The following CNTN5 variants were observed in gnomAD, a reference collection of about 807,000 sequenced individuals.
The protein encoded by CNTN5 is contactin-5.
Under a neutral mutation model 129.1 loss-of-function variants are expected in CNTN5, and 77 were observed. The ratio of observed to expected loss-of-function variants is 0.60; its 90% CI spans 0.50 to 0.72. CNTN5 has a LOEUF of 0.72. CNTN5 is among the 30% of genes least tolerant of loss of function. The probability of loss-of-function intolerance (pLI) is 0.00; values close to 1 mark genes in which losing one functional copy is unlikely to be tolerated. For synonymous variants in CNTN5, 509 were observed against 465.6 expected, an observed-to-expected ratio of 1.09 and a Z score of -1.20; for missense variants, 1,478 against 1,328.8, an observed-to-expected ratio of 1.11 and a Z score of -1.75.
At chr11:100,112,039 C>G (rs1171598089) in intron 13 of CNTN5, among the ~76,000 whole-genome samples, 5 of 152,134 alleles carry the variant, frequency 3.3e-5, no homozygotes, top group African/African-American at 1.2e-4. Context: ...TGACTCTATC[C>G]TTTCCAGCAC....
intron 2 of CNTN5, among the ~76,000 whole-genome samples, chr11:99,342,685 A>G (rs982822535): frequency 1.3e-5 from 2 of 149,700 alleles, no homozygotes; most frequent in Non-Finnish European, 3.0e-5. Flanking sequence ...TTGTGGTGAT[A>G]GTACCACTGC....
At chr11:99,525,286 T>C (rs1947442438) in intron 2 of CNTN5, among the ~76,000 whole-genome samples, 1 of 152,054 alleles carries the variant, frequency 6.6e-6, no homozygotes. Flanking sequence ...AACTTATAAT[T>C]TAAAAAAAAT....
At chr11:99,874,962 A>C (rs1212106483) in intron 6 of CNTN5, among the ~76,000 whole-genome samples, 1 of 152,120 alleles carries the variant, frequency 6.6e-6, no homozygotes, top group Admixed American at 6.6e-5. Context: ...CACAAAGTTA[A>C]AATTCATCAT....
At chr11:99,461,602 G>A (rs1944700676) in intron 2 of CNTN5, among the ~76,000 whole-genome samples, 1 of 152,128 alleles carries the variant, frequency 6.6e-6, no homozygotes, top group Non-Finnish European at 1.5e-5. Context: ...ATATTGCTTA[G>A]TTCCTTGGGA....
chr11:99,676,514 C>G (rs1196325939), intron 3 of CNTN5, among the ~76,000 whole-genome samples: 1 of 152,176 alleles, frequency 6.6e-6, no homozygotes, highest in Non-Finnish European at 1.5e-5. Flanking sequence ...GCATGGTGTT[C>G]TGGCACATGT....
At chr11:99,701,680 A>G (rs150408781) in intron 3 of CNTN5, among the ~76,000 whole-genome samples, 214 of 151,220 alleles carry the variant, frequency 1.4e-3, no homozygotes, top group African/African-American at 5.0e-3. Flanking sequence ...GAAAATGTTT[A>G]ATTTTCATTT....
At chr11:99,224,791 T>C (rs1860590692) in intron 1 of CNTN5, among the ~76,000 whole-genome samples, 2 of 151,506 alleles carry the variant, frequency 1.3e-5, no homozygotes, top group Admixed American at 1.3e-4. Context: ...CTGCATTTTC[T>C]TTTCAAGGTA....
At chr11:99,596,537 T>C (rs679491) in intron 3 of CNTN5, among the ~76,000 whole-genome samples, 147,966 of 152,254 alleles carry the variant, frequency 0.97, 72,041 homozygotes, top group East Asian at 1. Flanking sequence ...GCTCATAAGC[T>C]TCATAAAGAA....
intron 2 of CNTN5, among the ~76,000 whole-genome samples, chr11:99,452,846 T>C (rs1039078385): frequency 6.6e-6 from 1 of 152,218 alleles, no homozygotes; most frequent in African/African-American, 2.4e-5. Flanking sequence ...ATCAGGTACA[T>C]ACTTTATGCC....
chr11:100,151,026 C>T (rs1052789764), intron 13 of CNTN5, among the ~76,000 whole-genome samples: 12 of 152,006 alleles, frequency 7.9e-5, no homozygotes, highest in African/African-American at 2.7e-4. Flanking sequence ...AGGTTGTCAC[C>T]AGGAGCCACA....
intron 2 of CNTN5, among the ~76,000 whole-genome samples, chr11:99,347,246 G>T (rs1033468681): frequency 1.3e-5 from 2 of 152,030 alleles, no homozygotes; most frequent in African/African-American, 4.8e-5. Flanking sequence ...GGATAGTTGT[G>T]GATTCTAGGA....
chr11:100,194,060 C>T lies in CNTN5; in HGVS notation c.1884+397C>T, dbSNP rs566859564. Among the ~76,000 whole-genome samples the T allele has an allele frequency of 1.4e-4, 21 of 152,016 alleles. No homozygotes were observed. The South Asian group carries it at 4.1e-3, about 30-fold the overall frequency. On this transcript the variant is annotated intron_variant, in intron 15 of 24. Coordinates refer to ENST00000524871, the MANE Select transcript of CNTN5 (RefSeq NM_014361.4). ...TCAAGAACAGTAATTTTTGGAGTTT[C>T]TTTAATTTTTTACAAGCTATAGAGC...
rs918348344 is a variant in CNTN5 at position 99,701,096 on chromosome 11, G to A, written c.56-118448G>A. On this transcript the variant is annotated intron_variant, in intron 3 of 24. Coordinates refer to ENST00000524871, the MANE Select transcript of CNTN5 (RefSeq NM_014361.4). ...ATTTATACATTCATTTATTGTACAA[G>A]CATTTTTAAACACAATACCTATGTG... 1.9e-4 allele frequency among the ~76,000 whole-genome samples: 29 copies of A among 151,352 alleles called. 1 individual carries two copies. The highest frequency in any genetic ancestry group is 1.7e-3 in the Admixed American group (25 of 15,118).
intron 3 of CNTN5, among the ~76,000 whole-genome samples, chr11:99,672,864 A>G (rs1591457513): frequency 6.6e-6 from 1 of 152,190 alleles, no homozygotes; most frequent in Non-Finnish European, 1.5e-5. Context: ...GCAGGTGGAA[A>G]GGAAAGAAGA....
intron 21 of CNTN5, among the ~76,000 whole-genome samples, chr11:100,314,587 C>A (rs1951541256): frequency 6.6e-6 from 1 of 152,092 alleles, no homozygotes; most frequent in Non-Finnish European, 1.5e-5. Context: ...AATAAATAAT[C>A]AAACTGGAAC....
At chr11:99,111,399 T>A (rs1199119770) in intron 1 of CNTN5, among the ~76,000 whole-genome samples, 1 of 151,986 alleles carries the variant, frequency 6.6e-6, no homozygotes, top group Non-Finnish European at 1.5e-5. Context: ...CTGTCCTGAT[T>A]TTACTTCTTT....
chr11:99,469,346 C>T (rs1195740458), intron 2 of CNTN5, among the ~76,000 whole-genome samples: 2 of 152,046 alleles, frequency 1.3e-5, no homozygotes, highest in African/African-American at 4.8e-5. Flanking sequence ...AGTTTTATTT[C>T]TATCCTGTTT....
At chr11:99,959,275 G>A (rs1189512459) in intron 8 of CNTN5, among the ~76,000 whole-genome samples, 2 of 152,134 alleles carry the variant, frequency 1.3e-5, no homozygotes, top group East Asian at 3.8e-4. Flanking sequence ...TCTGTGGACA[G>A]CTTAATTTGC....
At chr11:99,750,713 G>T (rs1944204011) in intron 3 of CNTN5, among the ~76,000 whole-genome samples, 1 of 152,132 alleles carries the variant, frequency 6.6e-6, no homozygotes, top group South Asian at 2.1e-4. Flanking sequence ...TGCAATAAGT[G>T]AAATTAAGTT....
Sources: allele counts gnomAD v4.1 joint callset (sites outside exome capture counted in the v4.1 genomes callset), GRCh38; gene constraint gnomAD v4.1.1; transcripts MANE v1.5; gene names NCBI Gene and HGNC (gene_info 2026-07-23, HGNC 2026-07-21).